EFNA5: variants seen among roughly 807,000 people sequenced by gnomAD.
EFNA5 encodes ephrin-A5.
A neutral mutation model predicts 22.9 loss-of-function variants in EFNA5; 5 were observed. The observed-to-expected ratio is 0.22, with a 90% CI of 0.11 to 0.46. The LOEUF (loss-of-function observed/expected upper bound fraction) is 0.46. Ranked by LOEUF, EFNA5 falls within the 20% of genes least tolerant of loss-of-function variation. The probability of loss-of-function intolerance (pLI) is 0.99; values close to 1 mark genes in which losing one functional copy is unlikely to be tolerated. For missense variants in EFNA5, 237 were observed against 293.3 expected (o/e 0.81, Z 1.40); for synonymous variants, 113 against 112.2 (o/e 1.01, Z -0.04).
At chr5:107,603,356 T>A (rs1490006932) in intron 1 of EFNA5, among the ~76,000 whole-genome samples, 2 of 152,210 alleles carry the variant, frequency 1.3e-5, no homozygotes, top group Non-Finnish European at 2.9e-5. Context: ...ATGGCAATTT[T>A]TATCCCTCAC....
intron 1 of EFNA5, among the ~76,000 whole-genome samples, chr5:107,662,758 C>A (rs1213575108): frequency 7.2e-6 from 1 of 139,724 alleles, no homozygotes; most frequent in African/African-American, 2.7e-5. Flanking sequence ...GTACCTTTTG[C>A]GGGAGAAAGA....
chr5:107,386,048 C>G (rs1472785777), intron 4 of EFNA5, among the ~76,000 whole-genome samples: 1 of 147,516 alleles, frequency 6.8e-6, no homozygotes, highest in Non-Finnish European at 1.5e-5. Context: ...GGTAAGTTTC[C>G]CTAAGGTTCA....
chr5:107,461,450 T>C (rs1749832286), intron 1 of EFNA5, among the ~76,000 whole-genome samples: 5 of 151,760 alleles, frequency 3.3e-5, no homozygotes, highest in Non-Finnish European at 1.5e-5. Flanking sequence ...GATATACCCC[T>C]AAAGAGAGGC....
intron 1 of EFNA5, among the ~76,000 whole-genome samples, chr5:107,651,060 C>G (rs1750718764): frequency 6.6e-6 from 1 of 152,190 alleles, no homozygotes; most frequent in Admixed American, 6.5e-5. Context: ...CCCTACCATT[C>G]TCCTCCACTA....
At chr5:107,477,289 T>C (rs1010202297) in intron 1 of EFNA5, among the ~76,000 whole-genome samples, 5 of 152,216 alleles carry the variant, frequency 3.3e-5, no homozygotes, top group Admixed American at 6.5e-5. Flanking sequence ...TGTAAGACTT[T>C]CTCTTCCACT....
At chr5:107,614,795 T>C (rs1749881300) in intron 1 of EFNA5, among the ~76,000 whole-genome samples, 1 of 152,200 alleles carries the variant, frequency 6.6e-6, no homozygotes. Context: ...ATCCAAGTCA[T>C]ATAATAAACA....
intron 1 of EFNA5, among the ~76,000 whole-genome samples, chr5:107,524,074 T>G (rs1747648684): frequency 6.6e-6 from 1 of 152,230 alleles, no homozygotes; most frequent in East Asian, 1.9e-4. Flanking sequence ...TCTTCTGTTT[T>G]GTAATTCATG....
intron 1 of EFNA5, among the ~76,000 whole-genome samples, chr5:107,470,492 T>C (rs1470686538): frequency 3.9e-5 from 6 of 152,220 alleles, no homozygotes; most frequent in Admixed American, 1.3e-4. Context: ...ACCATTAATG[T>C]CTGTGTCAGT....
At chr5:107,508,574 C>A (rs932047648) in intron 1 of EFNA5, among the ~76,000 whole-genome samples, 3 of 152,216 alleles carry the variant, frequency 2.0e-5, no homozygotes, top group African/African-American at 7.2e-5. Context: ...TCAGGGCTAT[C>A]AAACTGGCTA....
chr5:107,380,589 A>T lies in EFNA5; in HGVS notation c.*666T>A, dbSNP rs1747421207. 2.8e-6 allele frequency: 1 copy of T among 359,900 alleles called. No homozygotes were observed. Among genetic ancestry groups the T allele is most frequent in the Non-Finnish European group, 4.9e-6 (1 of 202,822 alleles). The allele number at this position is 359,900 out of a possible 1,614,324, so 22.3% of individuals were successfully genotyped here. On this transcript the variant is annotated 3_prime_UTR_variant, in exon 5 of 5. Coordinates refer to ENST00000333274, the MANE Select transcript of EFNA5 (RefSeq NM_001962.3). ...CCCAACCTGCCTCCTAGAAAAAAAA[A>T]AAAGGCTTCTTTTAGAGAGCACAAG...
chr5:107,660,009 T>C (rs1234313821), intron 1 of EFNA5, among the ~76,000 whole-genome samples: 1 of 151,782 alleles, frequency 6.6e-6, no homozygotes, highest in East Asian at 1.9e-4. Flanking sequence ...TGTATACATA[T>C]ACCCACCCCC....
At chr5:107,573,522 G>A (rs544487629) in intron 1 of EFNA5, among the ~76,000 whole-genome samples, 2 of 151,992 alleles carry the variant, frequency 1.3e-5, no homozygotes, top group Admixed American at 1.3e-4. Flanking sequence ...GGTAAAATGA[G>A]AGTTTGTAGT....
At chr5:107,553,102 A>C (rs1465889460) in intron 1 of EFNA5, among the ~76,000 whole-genome samples, 1 of 152,204 alleles carries the variant, frequency 6.6e-6, no homozygotes, top group Non-Finnish European at 1.5e-5. Flanking sequence ...ATACAAATAC[A>C]CCAAGAAAGA....
intron 1 of EFNA5, among the ~76,000 whole-genome samples, chr5:107,650,623 G>A (rs1750709964): frequency 1.3e-5 from 2 of 152,138 alleles, no homozygotes; most frequent in South Asian, 4.1e-4. Flanking sequence ...AAGGTATATT[G>A]TTATTATGTA....
intron 2 of EFNA5, among the ~76,000 whole-genome samples, chr5:107,424,183 T>C (rs537450187): frequency 3.3e-5 from 5 of 151,224 alleles, no homozygotes; most frequent in Admixed American, 3.3e-4. Flanking sequence ...TATAGCTTTC[T>C]TTTTTCTTTC....
At chr5:107,449,182 C>T (rs1193163934) in intron 1 of EFNA5, among the ~76,000 whole-genome samples, 1 of 152,194 alleles carries the variant, frequency 6.6e-6, no homozygotes, top group African/African-American at 2.4e-5. Flanking sequence ...TTTAGTGGAA[C>T]ACTGAGACTA....
chr5:107,385,988 A>G (rs1467330599), intron 4 of EFNA5, among the ~76,000 whole-genome samples: 2 of 152,070 alleles, frequency 1.3e-5, no homozygotes, highest in Non-Finnish European at 2.9e-5. Context: ...TCTTCCTGTC[A>G]GTTTTAACAG....
intron 1 of EFNA5, among the ~76,000 whole-genome samples, chr5:107,650,585 C>T (rs1260102438): frequency 2.0e-5 from 3 of 152,118 alleles, no homozygotes; most frequent in Non-Finnish European, 2.9e-5. Flanking sequence ...ATACAGAAAG[C>T]AAAATCTGCA....
At chr5:107,625,788 CTAAAT>C (rs1294436071) in intron 1 of EFNA5, among the ~76,000 whole-genome samples, 2 of 152,166 alleles carry the variant, frequency 1.3e-5, no homozygotes, top group African/African-American at 2.4e-5. Flanking sequence ...TCAGCTACCC[CTAAAT>C]TAAATTAGTC....
Sources: allele counts gnomAD v4.1 joint callset (sites outside exome capture counted in the v4.1 genomes callset), GRCh38; gene constraint gnomAD v4.1.1; transcripts MANE v1.5; gene names NCBI Gene and HGNC (gene_info 2026-07-23, HGNC 2026-07-21).